DTNA: variants seen among roughly 807,000 people sequenced by gnomAD.
The protein encoded by DTNA is dystrophin-related protein 3.
A neutral mutation model predicts 100.7 loss-of-function variants in DTNA; 43 were observed. The ratio of observed to expected loss-of-function variants is 0.43; its 90% confidence interval spans 0.33 to 0.55. DTNA has a LOEUF of 0.55. Among genes scored for constraint, DTNA ranks in the 20% least tolerant of loss-of-function variants. The pLI is 0.04. For synonymous variants in DTNA, 349 were observed against 347.9 expected (o/e 1.00, Z -0.04); for missense variants, 798 against 953.9 (o/e 0.84, Z 2.15).
chr18:34,668,773 G>C (rs2076310493), intron 1 of DTNA, among the ~76,000 whole-genome samples: 1 of 152,088 alleles, frequency 6.6e-6, no homozygotes, highest in African/African-American at 2.4e-5. Flanking sequence ...TAGTTTGATT[G>C]CACTGTGGTC....
chr18:34,807,082 A>G (rs1202279959), intron 5 of DTNA, among the ~76,000 whole-genome samples: 1 of 152,160 alleles, frequency 6.6e-6, no homozygotes, highest in Non-Finnish European at 1.5e-5. Flanking sequence ...TAAAACATAG[A>G]TTTCTGGGTC....
intron 1 of DTNA, among the ~76,000 whole-genome samples, chr18:34,530,526 C>T (rs987501520): frequency 6.6e-6 from 1 of 152,022 alleles, no homozygotes; most frequent in Admixed American, 6.6e-5. Context: ...CCATCCCCAC[C>T]CAAACCCTCG....
At chr18:34,619,886 TGGG>T in intron 1 of DTNA, among the ~76,000 whole-genome samples, 1 of 152,244 alleles carries the variant, frequency 6.6e-6, no homozygotes, top group South Asian at 2.1e-4. Flanking sequence ...AAAAGAAGCA[TGGG>T]GAAGAACCCT....
intron 1 of DTNA, among the ~76,000 whole-genome samples, chr18:34,540,202 C>G (rs996384817): frequency 3.3e-5 from 5 of 151,784 alleles, no homozygotes; most frequent in African/African-American, 1.2e-4. Flanking sequence ...CTTAATTTCT[C>G]CCTTTATTAC....
At chr18:34,554,493 A>G (rs1190124507) in intron 1 of DTNA, among the ~76,000 whole-genome samples, 5 of 150,846 alleles carry the variant, frequency 3.3e-5, no homozygotes, top group African/African-American at 1.2e-4. Flanking sequence ...CCCATTTAGT[A>G]TGATATTGGC....
In DTNA at chr18:34,890,729, GA is replaced by G; in HGVS notation, c.*3000del. The stretch of plus-strand genomic sequence containing the variant: ...CAGAGGGAGTTGTGCTGGAGATTGT[GA>G]AAAATGGGTTCTTGAATGATCTACT... On this transcript the variant is annotated 3_prime_UTR_variant, in exon 23 of 23. Transcript: ENST00000444659. 1 of 452,202 alleles carries G rather than the reference GA, an allele frequency of 2.2e-6. No individual in the cohort carries two copies. Among genetic ancestry groups the G allele is most frequent in the Non-Finnish European group, 4.0e-6 (1 of 251,616 alleles). The allele number at this position is 452,202 out of a possible 1,614,324, so 28.0% of individuals were successfully genotyped here. A position where few individuals can be genotyped will look rare whatever the true frequency, so the allele number is the denominator to read the frequency against.
chr18:34,832,457 C>A (rs1413992180), intron 11 of DTNA, among the ~76,000 whole-genome samples: 1 of 152,156 alleles, frequency 6.6e-6, no homozygotes, highest in Non-Finnish European at 1.5e-5. Context: ...AGTTCAGTAA[C>A]CTTTACTCTC....
Position 34,812,233 on chromosome 18 carries a change from G to T in DTNA, c.603+120G>T, listed in dbSNP as rs569580547. The T allele has an allele frequency of 3.5e-6, 5 of 1,413,384 alleles. No individual in the cohort carries two copies. In the South Asian group the frequency reaches 6.2e-5, roughly 17 times the overall value. The allele number at this position is 1,413,384 out of a possible 1,614,324, so 87.6% of individuals were successfully genotyped here. ...ATTCTGTGTGATAGCAACCTGTATT[G>T]TATTTTTCAGCCTCTGGCAAATGAC... On this transcript the variant is annotated intron_variant, in intron 6 of 22. Coordinates refer to ENST00000444659, the MANE Select transcript of DTNA (RefSeq NM_001386795.1).
intron 1 of DTNA, among the ~76,000 whole-genome samples, chr18:34,617,155 A>C (rs1404320321): frequency 6.6e-6 from 1 of 152,092 alleles, no homozygotes; most frequent in East Asian, 1.9e-4. Context: ...TTCCAGTACT[A>C]TGCTGAATAT....
chr18:34,723,755 C>T lies in DTNA; in HGVS notation c.-2+13310C>T, dbSNP rs1053918724. Among the ~76,000 whole-genome samples, 15 of 152,018 alleles carry T rather than the reference C, an allele frequency of 9.9e-5. No homozygotes were observed. The East Asian group carries it at 1.7e-3, about 18-fold the overall frequency. ...CTCCACCAAAAATACAAAAATTAGCCGGGCGTGGTGACGGGTGCCTGTAAT... is the reference window on the plus strand; with the variant it reads ...CTCCACCAAAAATACAAAAATTAGCTGGGCGTGGTGACGGGTGCCTGTAAT... On this transcript the variant is annotated intron_variant, in intron 1 of 22. Coordinates refer to ENST00000444659, the MANE Select transcript of DTNA (RefSeq NM_001386795.1).
At chr18:34,565,367 G>C (rs146706498) in intron 1 of DTNA, among the ~76,000 whole-genome samples, 77 of 152,330 alleles carry the variant, frequency 5.1e-4, no homozygotes, top group African/African-American at 1.3e-3. Flanking sequence ...TTAAGAATCT[G>C]CTTAAGGAGA....
intron 2 of DTNA, among the ~76,000 whole-genome samples, chr18:34,759,320 G>A (rs1451681035): frequency 6.6e-6 from 1 of 152,128 alleles, no homozygotes; most frequent in Non-Finnish European, 1.5e-5. Flanking sequence ...CTCCTTTTCT[G>A]TTGTTTTACT....
At chr18:34,535,439 G>A (rs938603900) in intron 1 of DTNA, among the ~76,000 whole-genome samples, 2 of 152,006 alleles carry the variant, frequency 1.3e-5, no homozygotes, top group African/African-American at 4.8e-5. Flanking sequence ...CCATTCTGTA[G>A]GCTGCTTGTA....
intron 1 of DTNA, among the ~76,000 whole-genome samples, chr18:34,694,641 T>A (rs945219758): frequency 6.6e-6 from 1 of 152,190 alleles, no homozygotes; most frequent in African/African-American, 2.4e-5. Flanking sequence ...ACTTGCAGTA[T>A]TTTTACTTCC....
At chr18:34,553,726 T>C (rs1313647901) in intron 1 of DTNA, among the ~76,000 whole-genome samples, 6 of 151,892 alleles carry the variant, frequency 4.0e-5, no homozygotes, top group African/African-American at 1.2e-4. Context: ...TCTGTTCTGT[T>C]CCATTGATCT....
intron 1 of DTNA, among the ~76,000 whole-genome samples, chr18:34,584,786 G>C (rs936508132): frequency 6.6e-6 from 1 of 152,006 alleles, no homozygotes; most frequent in African/African-American, 2.4e-5. Flanking sequence ...GGATAAAGAA[G>C]AAATCATAAG....
intron 2 of DTNA, among the ~76,000 whole-genome samples, chr18:34,758,729 T>A (rs1184707466): frequency 1.3e-5 from 2 of 152,162 alleles, no homozygotes; most frequent in African/African-American, 4.8e-5. Context: ...AGAAAGAATT[T>A]ACAATGAAAA....
intron 22 of DTNA, among the ~76,000 whole-genome samples, chr18:34,887,108 T>C (rs2096928707): frequency 1.3e-5 from 2 of 152,142 alleles, no homozygotes; most frequent in South Asian, 2.1e-4. Context: ...GCCAGAGACA[T>C]AGAAGATGCA....
At chr18:34,801,275 A>T (rs538491771) in intron 4 of DTNA, among the ~76,000 whole-genome samples, 111 of 152,286 alleles carry the variant, frequency 7.3e-4, no homozygotes, top group African/African-American at 2.6e-3. Flanking sequence ...CATGTTAATT[A>T]TATACCAATA....
Sources: gnomAD v4.1 joint callset for allele counts (sites outside exome capture counted in the v4.1 genomes callset) on GRCh38, gnomAD v4.1.1 for gene constraint, MANE v1.5 for transcripts, NCBI Gene and HGNC (gene_info 2026-07-23, HGNC 2026-07-21) for gene names.